SNX29: variants seen among roughly 807,000 people sequenced by gnomAD.
The protein encoded by SNX29 is sorting nexin 29.
A neutral mutation model predicts 102.1 loss-of-function variants in SNX29; 78 were observed. The ratio of observed to expected loss-of-function variants is 0.76; its 90% CI spans 0.64 to 0.92. The LOEUF is 0.92. Ranked by LOEUF, SNX29 falls within the 40% of genes least tolerant of loss-of-function variation. SNX29 has a pLI of 0.00. For missense variants in SNX29, 1,280 were observed against 1,061.7 expected (o/e 1.21, Z -2.86); for synonymous variants, 580 against 414.5 (o/e 1.40, Z -4.85).
chr16:12,308,473 C>G (rs1163898875), intron 15 of SNX29, among the ~76,000 whole-genome samples: 2 of 152,184 alleles, frequency 1.3e-5, no homozygotes, highest in Non-Finnish European at 2.9e-5. Context: ...CTGGGGCCCT[C>G]TGCAGATACT....
chr16:12,287,540 C>T (rs1038795949), intron 15 of SNX29, among the ~76,000 whole-genome samples: 3 of 152,128 alleles, frequency 2.0e-5, no homozygotes, highest in Admixed American at 1.3e-4. Context: ...GAAGGAAATC[C>T]AAAGCACAAC....
In SNX29 at chr16:12,260,766, C is replaced by T. The variant is rs367942882; in HGVS notation, c.1679-17167C>T. Among the ~76,000 whole-genome samples the T allele has an allele frequency of 7.6e-3, 318 of 41,760 alleles. 6 individuals carry two copies. The highest frequency in any genetic ancestry group is 7.2e-3 in the African/African-American group (77 of 10,714). The allele number at this position is 41,760 out of a possible 152,430, so 27.4% of individuals were successfully genotyped here. On this transcript the variant is annotated intron_variant, in intron 14 of 20. Transcript: ENST00000566228. ...CACGCCCCCAGCTGGAGTGAGTGTT[C>T]GCTGAGCTCCAGTCTGTGCATGCGC... is the stretch of plus-strand genomic sequence containing the variant.
At position 12,568,739 on chromosome 16, in the gene SNX29, C is replaced by A. The variant is rs1002550323; in HGVS notation, c.*110C>A. ...GTGACAACCACGTCCACCTGGTGATCCTGAGAGCACACGATTCCCAACAGT... is the reference window on the plus strand; with the variant it reads ...GTGACAACCACGTCCACCTGGTGATACTGAGAGCACACGATTCCCAACAGT... On this transcript the variant is annotated 3_prime_UTR_variant, in exon 21 of 21. Transcript: ENST00000566228. 21 of 1,450,724 alleles carry A rather than the reference C, an allele frequency of 1.4e-5. No homozygotes were observed. Among genetic ancestry groups the A allele is most frequent in the Non-Finnish European group, 1.8e-6 (2 of 1,087,674 alleles). The allele number at this position is 1,450,724 out of a possible 1,614,324, so 89.9% of individuals were successfully genotyped here.
At chr16:12,371,039 G>A (rs1020586213) in intron 16 of SNX29, among the ~76,000 whole-genome samples, 3 of 152,330 alleles carry the variant, frequency 2.0e-5, no homozygotes, top group Admixed American at 6.5e-5. Context: ...CAGAGCTGCC[G>A]TCCTGGTTTC....
In SNX29 at chr16:12,486,702, C is replaced by G. The variant is rs150204085; in HGVS notation, c.2178+8843C>G. ...TTTGATGGACATTCACATTAACTCC[C>G]TAAGTCAACTCCTCAACCTCAGTGC... On this transcript the variant is annotated intron_variant, in intron 19 of 20. Transcript: ENST00000566228. 1.7e-3 allele frequency among the ~76,000 whole-genome samples: 259 copies of G among 152,298 alleles called. 2 individuals carry two copies. Among genetic ancestry groups the G allele is most frequent in the African/African-American group, 6.1e-3 (253 of 41,556 alleles).
intron 16 of SNX29, among the ~76,000 whole-genome samples, chr16:12,386,228 C>T (rs2083336084): frequency 6.6e-6 from 1 of 152,218 alleles, no homozygotes; most frequent in South Asian, 2.1e-4. Flanking sequence ...AAAGACTCTT[C>T]CTGGGGCCTC....
intron 16 of SNX29, among the ~76,000 whole-genome samples, chr16:12,361,942 G>A (rs1415520957): frequency 2.2e-5 from 3 of 138,034 alleles, no homozygotes; most frequent in South Asian, 2.1e-4. Flanking sequence ...TCAGTACACC[G>A]CTTTATTGCG....
intron 13 of SNX29, among the ~76,000 whole-genome samples, chr16:12,161,113 G>A (rs76793468): frequency 3.9e-5 from 6 of 152,244 alleles, no homozygotes; most frequent in African/African-American, 9.6e-5. Flanking sequence ...TATCAGTCCC[G>A]CAATGATTTC....
chr16:12,483,156 T>C (rs1314890538), intron 19 of SNX29, among the ~76,000 whole-genome samples: 1 of 110,146 alleles, frequency 9.1e-6, no homozygotes, highest in East Asian at 3.0e-4. Context: ...AGACAGCACC[T>C]GCCATCATGC....
At chr16:12,060,296 C>T (rs1024806153) in intron 8 of SNX29, among the ~76,000 whole-genome samples, 4 of 152,116 alleles carry the variant, frequency 2.6e-5, no homozygotes, top group African/African-American at 9.7e-5. Flanking sequence ...CACCGTTTTA[C>T]ATCAGGGACT....
At chr16:12,166,534 C>T (rs954892719) in intron 13 of SNX29, among the ~76,000 whole-genome samples, 4 of 152,174 alleles carry the variant, frequency 2.6e-5, no homozygotes, top group Non-Finnish European at 4.4e-5. Context: ...TGCAGGGGAG[C>T]GTGGCGCTCA....
At chr16:12,106,058 C>G (rs993236456) in intron 11 of SNX29, among the ~76,000 whole-genome samples, 1 of 152,014 alleles carries the variant, frequency 6.6e-6, no homozygotes, top group East Asian at 1.9e-4. Context: ...CTAAGTAACG[C>G]GAGGGAGGAG....
At chr16:12,090,488 C>G (rs1223069141) in intron 11 of SNX29, among the ~76,000 whole-genome samples, 1 of 152,170 alleles carries the variant, frequency 6.6e-6, no homozygotes, top group African/African-American at 2.4e-5. Flanking sequence ...GAAGTCACAT[C>G]TGGAGACCCC....
At chr16:12,394,630 G>C (rs1015387645) in intron 16 of SNX29, among the ~76,000 whole-genome samples, 5 of 152,138 alleles carry the variant, frequency 3.3e-5, no homozygotes, top group Non-Finnish European at 7.3e-5. Flanking sequence ...TCATTTATCT[G>C]GTAGTTGGTG....
At chr16:12,312,319 C>T (rs558864572) in intron 15 of SNX29, among the ~76,000 whole-genome samples, 1 of 152,340 alleles carries the variant, frequency 6.6e-6, no homozygotes, top group Admixed American at 6.5e-5. Context: ...CTCTGAATTT[C>T]CAGCGCTCAG....
chr16:12,319,591 T>C (rs761851485), intron 15 of SNX29, among the ~76,000 whole-genome samples: 7 of 152,186 alleles, frequency 4.6e-5, no homozygotes, highest in Non-Finnish European at 8.8e-5. Flanking sequence ...GCCAGACTGT[T>C]GATCTGTGAT....
chr16:12,349,501 G>C (rs558387534), intron 15 of SNX29, among the ~76,000 whole-genome samples: 2 of 152,334 alleles, frequency 1.3e-5, no homozygotes, highest in African/African-American at 4.8e-5. Flanking sequence ...CCGGAAGTCA[G>C]CATATTTTGA....
intron 4 of SNX29, among the ~76,000 whole-genome samples, chr16:12,039,469 C>G (rs573261001): frequency 2.0e-5 from 3 of 152,104 alleles, no homozygotes; most frequent in South Asian, 2.1e-4. Context: ...TAGCCTAGTT[C>G]GGTTCACAGC....
At chr16:12,497,235 G>A (rs1026625852) in intron 19 of SNX29, among the ~76,000 whole-genome samples, 2 of 152,210 alleles carry the variant, frequency 1.3e-5, no homozygotes, top group African/African-American at 2.4e-5. Context: ...AAAAGTAAAC[G>A]AAAAGCTTCA....
Sources: allele counts gnomAD v4.1 joint callset (sites outside exome capture counted in the v4.1 genomes callset), GRCh38; gene constraint gnomAD v4.1.1; transcripts MANE v1.5; gene names NCBI Gene and HGNC (gene_info 2026-07-23, HGNC 2026-07-21).